Variants in BAZ2B observed in about 807,000 individuals in gnomAD.
BAZ2B encodes the protein bromodomain adjacent to zinc finger domain protein 2B.
Under a neutral mutation model 246.0 loss-of-function variants are expected in BAZ2B, and 91 were observed. That is an observed-to-expected ratio of 0.37 (90% confidence interval 0.31 to 0.44). BAZ2B has a LOEUF of 0.44. Ranked by LOEUF, BAZ2B falls within the 20% of genes least tolerant of loss-of-function variation. The pLI is 1.00. For missense variants in BAZ2B, 2,332 were observed against 2,533.7 expected (o/e 0.92, Z 1.71); for synonymous variants, 855 against 860.0 (o/e 0.99, Z 0.10).
At chr2:159,548,526 T>C (rs1051572484) in intron 2 of BAZ2B, among the ~76,000 whole-genome samples, 3 of 152,214 alleles carry the variant, frequency 2.0e-5, no homozygotes, top group East Asian at 3.8e-4. Context: ...TCTTTTAAAA[T>C]TGTTAAAGTT....
chr2:159,686,008 T>G, the BAZ2B span, among the ~76,000 whole-genome samples: 2 of 152,194 alleles, frequency 1.3e-5, no homozygotes, highest in East Asian at 1.9e-4. Context: ...CCACCTGTAA[T>G]CCCAATGCTT....
chr2:159,608,263 A>G (rs1693958427), intron 1 of BAZ2B, among the ~76,000 whole-genome samples: 1 of 152,220 alleles, frequency 6.6e-6, no homozygotes, highest in Admixed American at 6.5e-5. Flanking sequence ...AGTCCCAGCT[A>G]CTTGGCGGAC....
intron 1 of BAZ2B, among the ~76,000 whole-genome samples, chr2:159,586,118 C>G (rs1246107871): frequency 6.6e-6 from 1 of 152,120 alleles, no homozygotes; most frequent in Non-Finnish European, 1.5e-5. Flanking sequence ...ACAACATCAG[C>G]TTTAACTTTA....
the BAZ2B span, among the ~76,000 whole-genome samples, chr2:159,682,316 G>A: frequency 6.6e-6 from 1 of 151,702 alleles, no homozygotes; most frequent in Non-Finnish European, 1.5e-5. Flanking sequence ...CAGTGGCTGG[G>A]ACTACAGGCA....
intron 2 of BAZ2B, among the ~76,000 whole-genome samples, chr2:159,543,865 T>C (rs1261867951): frequency 2.0e-5 from 3 of 152,252 alleles, no homozygotes; most frequent in Non-Finnish European, 4.4e-5. Flanking sequence ...ACTCAGTCGA[T>C]GTACACATTT....
chr2:159,665,927 G>T, the BAZ2B span, among the ~76,000 whole-genome samples: 53 of 152,166 alleles, frequency 3.5e-4, 1 homozygote, highest in Admixed American at 1.7e-3. Context: ...GTGTGAAATG[G>T]GTGTCTTTGG....
At chr2:159,360,206 C>T (rs368779828) in intron 27 of BAZ2B, among the ~76,000 whole-genome samples, 1 of 152,166 alleles carries the variant, frequency 6.6e-6, no homozygotes, top group Non-Finnish European at 1.5e-5. Flanking sequence ...TTTAGAAAAT[C>T]CCATCGTCTC....
At chr2:159,473,108 C>G (rs1391155935) in intron 3 of BAZ2B, among the ~76,000 whole-genome samples, 1 of 152,172 alleles carries the variant, frequency 6.6e-6, no homozygotes, top group African/African-American at 2.4e-5. Context: ...GTGAATCTGT[C>G]TGGTCCTGGG....
intron 3 of BAZ2B, chr2:159,464,552 A>G (rs1172311892): frequency 6.6e-6 from 1 of 152,184 alleles, no homozygotes. Flanking sequence ...AGGACTCGCC[A>G]CTGTAAAACT....
At position 159,385,355 on chromosome 2, in the gene BAZ2B, A is replaced by C. The variant is rs1449509099; in HGVS notation, c.3486T>G (p.Leu1162=). 6.2e-7 allele frequency: 1 copy of C among 1,612,540 alleles called. No individual in the cohort carries two copies. ...LITGYKAKTA[L]GEHLLNVGVN... ...CACCAACATTCAGCAAATGTTCTCC[A>C]AGAGCTGTTTTAGCCTATAAAAGTT... is the stretch of plus-strand genomic sequence containing the variant. The change falls in exon 23 of 37, where the codon CTT becomes CTG. Residue 1162 remains leucine (L), a synonymous_variant. Transcript: ENST00000392783.
chr2:159,469,335 T>C (rs1349768669), intron 3 of BAZ2B, among the ~76,000 whole-genome samples: 2 of 152,152 alleles, frequency 1.3e-5, no homozygotes, highest in Non-Finnish European at 2.9e-5. Flanking sequence ...TTTAATGATG[T>C]AGACGAAATG....
In BAZ2B at chr2:159,501,192, AAT is replaced by A. The variant is rs546067280; in HGVS notation, c.-2-22473_-2-22472del. On this transcript the variant is annotated intron_variant, in intron 2 of 36. Coordinates refer to ENST00000392783, the MANE Select transcript of BAZ2B (RefSeq NM_013450.4). ...ATATATATTATATATATTTATATAT[AAT>A]ATATATATTTTTATATATATTATAT... 7.2e-3 allele frequency among the ~76,000 whole-genome samples: 553 copies of A among 76,700 alleles called. 20 individuals are homozygous for A. The highest frequency in any genetic ancestry group is 0.025 in the African/African-American group (529 of 21,160). 50.3% of individuals were successfully genotyped at this position (76,700 alleles called of 152,430 possible).
the BAZ2B span, among the ~76,000 whole-genome samples, chr2:159,706,464 A>G: frequency 6.6e-6 from 1 of 152,232 alleles, no homozygotes; most frequent in Admixed American, 6.5e-5. Context: ...GTAGTCTGAA[A>G]TGGTCATGGA....
chr2:159,332,729 G>C (rs1370408246), intron 33 of BAZ2B, 43 bp from the exon 34 acceptor site: 2 of 1,597,428 alleles, frequency 1.3e-6, no homozygotes, highest in Non-Finnish European at 1.7e-6. Context: ...GCTCTGCCAT[G>C]AATAATAGTT....
intron 25 of BAZ2B, among the ~76,000 whole-genome samples, chr2:159,382,155 A>C (rs2149499361): frequency 6.6e-6 from 1 of 152,314 alleles, no homozygotes; most frequent in South Asian, 2.1e-4. Context: ...GAGAAATAGT[A>C]ATTGGTGTTT....
intron 25 of BAZ2B, among the ~76,000 whole-genome samples, chr2:159,376,728 T>C (rs1487973641): frequency 1.3e-5 from 2 of 152,186 alleles, no homozygotes; most frequent in Admixed American, 6.5e-5. Flanking sequence ...GAAAATGCCA[T>C]GTATCAGCCA....
chr2:159,526,483 G>A (rs565453807), intron 2 of BAZ2B, among the ~76,000 whole-genome samples: 40 of 152,064 alleles, frequency 2.6e-4, no homozygotes, highest in Admixed American at 1.6e-3. Context: ...AAAATATCAC[G>A]GTATGTTTTT....
At chr2:159,593,685 C>T (rs1330154697) in intron 1 of BAZ2B, among the ~76,000 whole-genome samples, 1 of 152,172 alleles carries the variant, frequency 6.6e-6, no homozygotes, top group Non-Finnish European at 1.5e-5. Context: ...TCCCTTTGTC[C>T]AGCATATCTA....
the BAZ2B span, among the ~76,000 whole-genome samples, chr2:159,680,565 C>T: frequency 0.063 from 9,599 of 152,168 alleles, 400 homozygotes; most frequent in Middle Eastern, 0.14. Context: ...ACCCCGGGCA[C>T]GTTAGTCTCC....
Sources: allele counts gnomAD v4.1 joint callset (sites outside exome capture counted in the v4.1 genomes callset), GRCh38; gene constraint gnomAD v4.1.1; transcripts MANE v1.5; gene names NCBI Gene and HGNC (gene_info 2026-07-23, HGNC 2026-07-21).